Variants in PPP1CC observed in about 807,000 individuals in gnomAD.
The protein encoded by PPP1CC is protein phosphatase 1 catalytic subunit gamma, also known as serine/threonine-protein phosphatase PP1-gamma catalytic subunit.
PPP1CC carries 16 observed loss-of-function variants against 38.4 expected under a neutral mutation model. The observed-to-expected ratio is 0.42, with a 90% CI of 0.28 to 0.63. The LOEUF (loss-of-function observed/expected upper bound fraction) is 0.63, where lower values mean the gene tolerates loss of function less well. Among genes scored for constraint, PPP1CC ranks in the 30% least tolerant of loss-of-function variants. PPP1CC has a pLI of 0.25. For missense variants in PPP1CC, 170 were observed against 391.3 expected (o/e 0.43, Z 4.77); for synonymous variants, 158 against 136.0 (o/e 1.16, Z -1.13).
chr12:110,722,659 C>T lies in PPP1CC; in HGVS notation c.560G>A (p.Arg187Gln), dbSNP rs1276219223. Residue 187 changes from arginine to glutamine, a missense_variant, in exon 5 of 7, where the codon CGG (arginine) becomes CAG (glutamine). Arg to Gln is a conservative substitution (Grantham distance 43, BLOSUM62 1). This residue lies in a region of PPP1CC where 117 missense variants were observed against 344.4 expected (regional missense o/e 0.34). Transcript: ENST00000335007. The surrounding 1 kb of genome is among the most constrained non-coding windows in gnomAD (Gnocchi z 5.4). ...SPDLQSMEQI[R>Q]RIMRPTDVPD... ...TACATCAGTTGGTCGCATAATTCGC[C>T]GAATCTGCTCCATAGATTGAAGATC... The T allele has an allele frequency of 6.2e-7, 1 of 1,613,434 alleles. No homozygotes were observed. Among genetic ancestry groups the T allele is most frequent in the Middle Eastern group, 1.6e-4 (1 of 6,062 alleles).
At chr12:110,739,693 C>T (rs2069991610) in intron 1 of PPP1CC, among the ~76,000 whole-genome samples, 1 of 152,138 alleles carries the variant, frequency 6.6e-6, no homozygotes, top group African/African-American at 2.4e-5. Context: ...CAATGGCCTT[C>T]TTCAAAGCAA....
intron 3 of PPP1CC, among the ~76,000 whole-genome samples, chr12:110,727,711 C>T (rs762490102): frequency 6.6e-6 from 1 of 151,598 alleles, no homozygotes; most frequent in Non-Finnish European, 1.5e-5. Context: ...CATTTGAATA[C>T]AACTTTTCAT....
chr12:110,728,653 C>CTAAGGAG (rs1479095807), intron 3 of PPP1CC, among the ~76,000 whole-genome samples: 1 of 152,160 alleles, frequency 6.6e-6, no homozygotes, highest in Non-Finnish European at 1.5e-5. Flanking sequence ...ATTTCACTAC[C>CTAAGGAG]TAAGGAGTAG....
intron 4 of PPP1CC, 75 bp downstream of exon 4, chr12:110,724,585 T>C: frequency 1.2e-6 from 1 of 837,408 alleles, no homozygotes; most frequent in South Asian, 1.4e-5. Flanking sequence ...ATCCCAATGA[T>C]AACTCACAAA....
intron 3 of PPP1CC, among the ~76,000 whole-genome samples, chr12:110,727,943 C>A (rs1306541948): frequency 6.6e-6 from 1 of 152,142 alleles, no homozygotes; most frequent in Non-Finnish European, 1.5e-5. Context: ...TCTTCTAAGT[C>A]ATTTTTTAAA....
chr12:110,731,968 A>T (rs2069877853), intron 1 of PPP1CC, 67 bp from the exon 2 acceptor site: 1 of 1,556,264 alleles, frequency 6.4e-7, no homozygotes, highest in East Asian at 2.3e-5. Flanking sequence ...AGATTTAGAT[A>T]AAGGGGCAAA....
chr12:110,741,758 A>C (rs2070019373), intron 1 of PPP1CC, among the ~76,000 whole-genome samples: 1 of 152,234 alleles, frequency 6.6e-6, no homozygotes. Context: ...GACCTTGGTT[A>C]AGTGACTTCA....
At chr12:110,713,694 T>C in the PPP1CC span, among the ~76,000 whole-genome samples, 3 of 152,164 alleles carry the variant, frequency 2.0e-5, no homozygotes, top group Non-Finnish European at 4.4e-5. Flanking sequence ...ATTTTATTCA[T>C]TTTACATGAG....
At position 110,723,168 on chromosome 12, in the gene PPP1CC, G is replaced by A. The variant is rs113265233; in HGVS notation, c.524-473C>T. Among the ~76,000 whole-genome samples the A allele has an allele frequency of 1.5e-3, 225 of 152,248 alleles. 1 individual carries two copies. The highest frequency in any genetic ancestry group is 5.1e-3 in the African/African-American group (211 of 41,542). On this transcript the variant is annotated intron_variant, in intron 4 of 6. Transcript: ENST00000335007. ...ATTGTATCGAGTTACAATATGGGAT[G>A]CATATTGTAAGAGTTAAAAACCATG...
the PPP1CC span, among the ~76,000 whole-genome samples, chr12:110,709,141 C>G: frequency 6.6e-6 from 1 of 151,994 alleles, no homozygotes; most frequent in Non-Finnish European, 1.5e-5. Flanking sequence ...CAAAAACACA[C>G]AAATGATAGA....
the PPP1CC span, among the ~76,000 whole-genome samples, chr12:110,713,872 C>A: frequency 1.3e-5 from 2 of 152,120 alleles, no homozygotes; most frequent in South Asian, 4.1e-4. Context: ...CCAATGCAGG[C>A]GCATCACCTG....
chr12:110,731,626 C>T, intron 2 of PPP1CC, 144 bp downstream of exon 2: 1 of 781,858 alleles, frequency 1.3e-6, no homozygotes, highest in South Asian at 2.9e-5. Context: ...TATTCTAAAG[C>T]TACTATTTAA....
At chr12:110,734,596 C>G (rs1382597116) in intron 1 of PPP1CC, 1 of 153,838 alleles carries the variant, frequency 6.5e-6, no homozygotes, top group East Asian at 1.9e-4. Context: ...ACTGCCTCGG[C>G]GCCCAAAGTG....
intron 3 of PPP1CC, among the ~76,000 whole-genome samples, chr12:110,730,135 GATTCC>G (rs1384313000): frequency 6.6e-6 from 1 of 152,258 alleles, no homozygotes; most frequent in African/African-American, 2.4e-5. Flanking sequence ...TAGGCGGGCA[GATTCC>G]TTGAGCCAGG....
At chr12:110,725,466 C>T (rs150005761) in intron 3 of PPP1CC, 2 of 152,474 alleles carry the variant, frequency 1.3e-5, no homozygotes, top group East Asian at 3.9e-4. Flanking sequence ...GTGGCTGCCT[C>T]TCACAGGCAC....
intron 1 of PPP1CC, among the ~76,000 whole-genome samples, chr12:110,738,158 A>G (rs1566088734): frequency 6.6e-6 from 1 of 152,216 alleles, no homozygotes; most frequent in Non-Finnish European, 1.5e-5. Flanking sequence ...ACTACCTTCT[A>G]GAAGAGGGAT....
Position 110,720,395 on chromosome 12 carries a change from A to G in PPP1CC, c.*681T>C. The G allele has an allele frequency of 2.1e-6, 1 of 481,340 alleles. No individual in the cohort carries two copies. Among genetic ancestry groups the G allele is most frequent in the Non-Finnish European group, 3.7e-6 (1 of 272,870 alleles). The allele number at this position is 481,340 out of a possible 1,614,324, so 29.8% of individuals were successfully genotyped here. On this transcript the variant is annotated 3_prime_UTR_variant, in exon 7 of 7. Transcript: ENST00000335007. ...CTTGTACTTAGGGGTGTGTCAAAAC[A>G]TAATTCAACAGAAACTTTGGCTTTA...
chr12:110,725,822 G>A (rs2069792105), intron 3 of PPP1CC: 1 of 152,410 alleles, frequency 6.6e-6, no homozygotes, highest in Non-Finnish European at 1.5e-5. Context: ...AGCACTTTGG[G>A]AGGCCGAGGC....
At chr12:110,733,710 G>C (rs1284046201) in intron 1 of PPP1CC, among the ~76,000 whole-genome samples, 1 of 152,044 alleles carries the variant, frequency 6.6e-6, no homozygotes, top group Admixed American at 6.6e-5. Flanking sequence ...AACCTTCCAG[G>C]CTCAAGTGAT....
Sources: gnomAD v4.1 joint callset for allele counts (sites outside exome capture counted in the v4.1 genomes callset) on GRCh38, gnomAD v4.1.1 for gene constraint, gnomAD v4.1.1 regional missense constraint, Gnocchi (gnomAD v3.1) non-coding constraint, MANE v1.5 for transcripts, NCBI Gene and HGNC (gene_info 2026-07-23, HGNC 2026-07-21) for gene names.